The following SPAG16 variants were observed in gnomAD, a reference collection of about 807,000 sequenced individuals.
SPAG16 encodes the protein sperm associated antigen 16, also known as sperm-associated antigen 16 protein.
Under a neutral mutation model 80.4 loss-of-function variants are expected in SPAG16, and 86 were observed. The ratio of observed to expected loss-of-function variants is 1.07; its 90% CI spans 0.90 to 1.28. The LOEUF is 1.28. Ranked by LOEUF, SPAG16 falls within the 50% of genes most tolerant of loss-of-function variation. The pLI, the probability that SPAG16 is intolerant of heterozygous loss-of-function variation, is 0.00. For synonymous variants in SPAG16, 294 were observed against 265.9 expected (o/e 1.11, Z -1.03); for missense variants, 870 against 765.3 (o/e 1.14, Z -1.61).
intron 10 of SPAG16, among the ~76,000 whole-genome samples, chr2:213,684,919 A>G (rs144768458): frequency 6.6e-6 from 1 of 152,344 alleles, no homozygotes; most frequent in African/African-American, 2.4e-5. Context: ...TTGCAGCTCT[A>G]CATGTGCTAT....
chr2:213,773,847 T>G (rs2069408339), intron 10 of SPAG16, among the ~76,000 whole-genome samples: 1 of 152,190 alleles, frequency 6.6e-6, no homozygotes, highest in Non-Finnish European at 1.5e-5. Context: ...CCACCAAGCC[T>G]GGCCTAATTT....
chr2:213,287,726 A>AAGCT (rs1300708060), intron 1 of SPAG16, among the ~76,000 whole-genome samples: 1 of 152,172 alleles, frequency 6.6e-6, no homozygotes, highest in East Asian at 1.9e-4. Context: ...CTGTGAAGCT[A>AAGCT]ATCAGCTCTG....
chr2:213,346,311 A>G (rs879675509), intron 6 of SPAG16, among the ~76,000 whole-genome samples: 37 of 152,166 alleles, frequency 2.4e-4, no homozygotes, highest in Non-Finnish European at 4.9e-4. Flanking sequence ...TAGATATACA[A>G]TCATGTCATC....
At chr2:213,845,681 A>G (rs999488105) in intron 10 of SPAG16, among the ~76,000 whole-genome samples, 1 of 152,252 alleles carries the variant, frequency 6.6e-6, no homozygotes, top group African/African-American at 2.4e-5. Flanking sequence ...TTAAAAACAA[A>G]AACAAAATGC....
chr2:214,297,942 C>T (rs1462281600), intron 15 of SPAG16, among the ~76,000 whole-genome samples: 1 of 150,862 alleles, frequency 6.6e-6, no homozygotes, highest in African/African-American at 2.4e-5. Flanking sequence ...GAAGTATGAT[C>T]ATTTTAATAA....
intron 9 of SPAG16, among the ~76,000 whole-genome samples, chr2:213,453,591 A>G (rs1032741024): frequency 6.6e-6 from 1 of 152,192 alleles, no homozygotes; most frequent in Non-Finnish European, 1.5e-5. Context: ...TGCAGGATGA[A>G]CCACTTAAGT....
intron 10 of SPAG16, among the ~76,000 whole-genome samples, chr2:213,564,788 T>G (rs1322891391): frequency 3.3e-5 from 5 of 152,178 alleles, no homozygotes; most frequent in Non-Finnish European, 7.3e-5. Flanking sequence ...TTTATACCAC[T>G]ATTAACTCTA....
At chr2:213,984,341 T>C (rs184984063) in intron 12 of SPAG16, among the ~76,000 whole-genome samples, 112 of 152,262 alleles carry the variant, frequency 7.4e-4, no homozygotes, top group African/African-American at 2.5e-3. Context: ...CATATGTCTA[T>C]ATACATCCAT....
intron 11 of SPAG16, among the ~76,000 whole-genome samples, chr2:213,923,209 G>T (rs1333160822): frequency 6.6e-6 from 1 of 152,136 alleles, no homozygotes; most frequent in African/African-American, 2.4e-5. Context: ...GGGGATGCTT[G>T]TCCTGCTTTC....
chr2:213,692,727 GT>G (rs2064995427), intron 10 of SPAG16, among the ~76,000 whole-genome samples: 1 of 151,336 alleles, frequency 6.6e-6, no homozygotes, highest in Non-Finnish European at 1.5e-5. Flanking sequence ...GGAGAATGCC[GT>G]GAACCCGGGA....
rs575592219 is a variant in SPAG16 at position 214,051,443 on chromosome 2, T to C, written c.1527+37366T>C. The stretch of plus-strand genomic sequence containing the variant: ...ATTTAGGGAACTTGAATAATTGCCT[T>C]TGGAGAGCAAAGTTGTATTAATCTC... On this transcript the variant is annotated intron_variant, in intron 13 of 15. Coordinates refer to ENST00000331683, the MANE Select transcript of SPAG16 (RefSeq NM_024532.5). Among the ~76,000 whole-genome samples the C allele has an allele frequency of 7.9e-5, 12 of 152,322 alleles. No homozygotes were observed. The South Asian group carries it at 1.9e-3, about 24-fold the overall frequency.
chr2:214,029,784 T>G (rs2048320805), intron 13 of SPAG16, among the ~76,000 whole-genome samples: 1 of 152,146 alleles, frequency 6.6e-6, no homozygotes, highest in African/African-American at 2.4e-5. Flanking sequence ...ATAAAACGTA[T>G]GAAATTTAAT....
chr2:213,483,332 G>C (rs900372058), intron 9 of SPAG16, among the ~76,000 whole-genome samples: 1 of 152,104 alleles, frequency 6.6e-6, no homozygotes. Context: ...CTTAATTATG[G>C]AAGGTGTTTG....
At chr2:214,381,125 GA>G (rs1243258970) in intron 15 of SPAG16, among the ~76,000 whole-genome samples, 1 of 152,186 alleles carries the variant, frequency 6.6e-6, no homozygotes, top group Non-Finnish European at 1.5e-5. Flanking sequence ...CAGTACCCCT[GA>G]AAGTATTGAT....
At chr2:213,566,806 C>T (rs999496119) in intron 10 of SPAG16, among the ~76,000 whole-genome samples, 3 of 152,100 alleles carry the variant, frequency 2.0e-5, no homozygotes, top group Non-Finnish European at 4.4e-5. Context: ...ATATTCAGCT[C>T]GCCTTTCCTG....
At chr2:213,360,873 C>T (rs1185778757) in intron 7 of SPAG16, among the ~76,000 whole-genome samples, 1 of 152,136 alleles carries the variant, frequency 6.6e-6, no homozygotes, top group African/African-American at 2.4e-5. Context: ...TTTGAGAATT[C>T]ATTTCCAACC....
intron 10 of SPAG16, among the ~76,000 whole-genome samples, chr2:213,841,865 T>G (rs2074379759): frequency 6.6e-6 from 1 of 152,180 alleles, no homozygotes; most frequent in South Asian, 2.1e-4. Flanking sequence ...AGAATTTTTT[T>G]TTCTGAATCT....
chr2:214,048,332 C>T (rs1481086625), intron 13 of SPAG16, among the ~76,000 whole-genome samples: 2 of 151,956 alleles, frequency 1.3e-5, no homozygotes, highest in Non-Finnish European at 2.9e-5. Context: ...GATGACTGGA[C>T]AAAGAAAATG....
chr2:214,038,763 A>T (rs2048846626), intron 13 of SPAG16, among the ~76,000 whole-genome samples: 1 of 147,452 alleles, frequency 6.8e-6, no homozygotes, highest in African/African-American at 2.5e-5. Flanking sequence ...TCATTGTTCA[A>T]TTCCCACCTA....
Sources: gnomAD v4.1 joint callset for allele counts (sites outside exome capture counted in the v4.1 genomes callset) on GRCh38, gnomAD v4.1.1 for gene constraint, MANE v1.5 for transcripts, NCBI Gene and HGNC (gene_info 2026-07-23, HGNC 2026-07-21) for gene names.